Variants in VPS13B observed in about 807,000 individuals in gnomAD.
The protein encoded by VPS13B is intermembrane lipid transfer protein VPS13B.
Under a neutral mutation model 426.4 loss-of-function variants are expected in VPS13B, and 285 were observed. That is an observed-to-expected ratio of 0.67 (90% confidence interval 0.61 to 0.74). The LOEUF (loss-of-function observed/expected upper bound fraction) is 0.74. VPS13B is among the 30% of genes least tolerant of loss of function. The probability of loss-of-function intolerance (pLI) is 0.00; values close to 1 mark genes in which losing one functional copy is unlikely to be tolerated. For missense variants in VPS13B, 4,537 were observed against 4,782.6 expected, an observed-to-expected ratio of 0.95 and a Z score of 1.51; for synonymous variants, 1,676 against 1,676.4, an observed-to-expected ratio of 1.00 and a Z score of 0.01.
Position 99,642,495 on chromosome 8 carries a change from A to G in VPS13B, c.5905A>G (p.Ile1969Val), listed in dbSNP as rs139640224. 2.5e-3 allele frequency: 3,972 copies of G among 1,611,550 alleles called. 6 individuals carry two copies. Among genetic ancestry groups the G allele is most frequent in the Non-Finnish European group, 3.1e-3 (3,602 of 1,179,250 alleles). ...AGGGGTGGCCTCTGATTACAAATGTATAGGTAAGAACCTTCAAACTTACTG... is the reference window on the plus strand; with the variant it reads ...AGGGGTGGCCTCTGATTACAAATGTGTAGGTAAGAACCTTCAAACTTACTG... ...LKGVASDYKC[I>V]DPGKTLPEAL... The change falls in exon 34 of 62, where the codon ATA becomes GTA. Residue 1969 changes from isoleucine (I) to valine (V), a missense_variant. Around this residue, in one of 2 missense-constraint regions of VPS13B, gnomAD observed 4,311 missense variants for 4,474.3 expected, o/e 0.96. Coordinates refer to ENST00000357162, the MANE Select transcript of VPS13B (RefSeq NM_152564.5).
At chr8:99,833,131 T>G (rs1815174418) in intron 52 of VPS13B, among the ~76,000 whole-genome samples, 1 of 152,252 alleles carries the variant, frequency 6.6e-6, no homozygotes, top group South Asian at 2.1e-4. Flanking sequence ...TTAAGAGAGA[T>G]AACTTAGATA....
intron 17 of VPS13B, among the ~76,000 whole-genome samples, chr8:99,269,053 T>G (rs900573852): frequency 1.3e-5 from 2 of 152,170 alleles, no homozygotes; most frequent in African/African-American, 4.8e-5. Context: ...ACGTGTTTGC[T>G]TCCCTTCCAT....
At chr8:99,299,936 T>C (rs1304618128) in intron 19 of VPS13B, among the ~76,000 whole-genome samples, 3 of 152,052 alleles carry the variant, frequency 2.0e-5, no homozygotes, top group Admixed American at 2.0e-4. Flanking sequence ...ACAAAGTAAA[T>C]TTATACTTAA....
At chr8:99,536,998 T>A (rs536264763) in intron 30 of VPS13B, 1 of 340,642 alleles carries the variant, frequency 2.9e-6, no homozygotes, top group East Asian at 7.7e-5. Context: ...CTTGTCCTTC[T>A]GGTAAACCAT....
chr8:99,638,945 A>G (rs544764328), intron 33 of VPS13B, among the ~76,000 whole-genome samples: 6 of 152,326 alleles, frequency 3.9e-5, no homozygotes, highest in Admixed American at 2.0e-4. Context: ...TCAGTGATAT[A>G]TAGAAGCAGA....
At chr8:99,114,010 C>T (rs1225517741) in intron 6 of VPS13B, among the ~76,000 whole-genome samples, 7 of 152,096 alleles carry the variant, frequency 4.6e-5, no homozygotes, top group East Asian at 1.9e-4. Flanking sequence ...CCTATGGGTA[C>T]GTAATTTATT....
At chr8:99,478,410 AT>A (rs375836786) in intron 24 of VPS13B, among the ~76,000 whole-genome samples, 1,365 of 68,308 alleles carry the variant, frequency 0.02, 13 homozygotes, top group African/African-American at 0.045. Flanking sequence ...TGAGCTCTTG[AT>A]TTTTTTTTTT....
At chr8:99,072,846 T>C (rs1429947040) in intron 3 of VPS13B, among the ~76,000 whole-genome samples, 2 of 152,202 alleles carry the variant, frequency 1.3e-5, no homozygotes, top group Non-Finnish European at 2.9e-5. Flanking sequence ...CCATTTATTT[T>C]AGAAGATGTC....
chr8:99,722,707 C>T (rs1470496923), intron 39 of VPS13B, among the ~76,000 whole-genome samples: 1 of 152,126 alleles, frequency 6.6e-6, no homozygotes, highest in East Asian at 1.9e-4. Context: ...TGGGGTTTCA[C>T]CATGTTAGCC....
intron 30 of VPS13B, among the ~76,000 whole-genome samples, chr8:99,554,878 A>G (rs1281917929): frequency 6.6e-6 from 1 of 152,076 alleles, no homozygotes; most frequent in Admixed American, 6.6e-5. Flanking sequence ...TTAATGGCCC[A>G]CTTATGAGCC....
intron 39 of VPS13B, among the ~76,000 whole-genome samples, chr8:99,741,210 A>T (rs1010497289): frequency 3.3e-5 from 5 of 152,204 alleles, no homozygotes; most frequent in African/African-American, 9.7e-5. Flanking sequence ...ACCAACAAAG[A>T]TCAAAGGACA....
chr8:99,426,215 A>G (rs1262706482), intron 21 of VPS13B, among the ~76,000 whole-genome samples: 3 of 143,022 alleles, frequency 2.1e-5, no homozygotes, highest in Non-Finnish European at 4.5e-5. Context: ...TTCCAATTTC[A>G]TCCATGTCCC....
intron 34 of VPS13B, among the ~76,000 whole-genome samples, chr8:99,648,174 A>G (rs1189831547): frequency 6.6e-6 from 1 of 152,242 alleles, no homozygotes; most frequent in African/African-American, 2.4e-5. Flanking sequence ...TTTATCAGAC[A>G]TGGGCAAGAC....
At chr8:99,083,201 G>A (rs1177672310) in intron 3 of VPS13B, among the ~76,000 whole-genome samples, 1 of 152,138 alleles carries the variant, frequency 6.6e-6, no homozygotes, top group African/African-American at 2.4e-5. Flanking sequence ...TGGATTCCTA[G>A]GTATTTTATT....
intron 54 of VPS13B, among the ~76,000 whole-genome samples, chr8:99,841,896 C>T (rs1208346529): frequency 6.6e-6 from 1 of 152,122 alleles, no homozygotes; most frequent in East Asian, 1.9e-4. Flanking sequence ...CTGTAACTAA[C>T]CCCCAAATGA....
intron 17 of VPS13B, among the ~76,000 whole-genome samples, chr8:99,212,385 G>T (rs1369759096): frequency 2.0e-5 from 3 of 152,186 alleles, no homozygotes; most frequent in Non-Finnish European, 2.9e-5. Context: ...GGGCAAATTA[G>T]AAATCATCTT....
chr8:99,073,734 G>T, intron 3 of VPS13B, among the ~76,000 whole-genome samples: 1 of 144,420 alleles, frequency 6.9e-6, no homozygotes, highest in East Asian at 2.0e-4. Context: ...TGGAAACCCA[G>T]GACTTTCTTT....
At chr8:99,268,893 GA>G (rs1321646321) in intron 17 of VPS13B, among the ~76,000 whole-genome samples, 2 of 152,252 alleles carry the variant, frequency 1.3e-5, no homozygotes, top group South Asian at 2.1e-4. Context: ...TTGTGGGAGG[GA>G]CCCAGTGGGA....
intron 2 of VPS13B, among the ~76,000 whole-genome samples, chr8:99,031,129 G>T (rs766398972): frequency 6.6e-6 from 1 of 151,900 alleles, no homozygotes; most frequent in African/African-American, 2.4e-5. Flanking sequence ...TATTTCAAAA[G>T]ACTTATGTTC....
Sources: allele counts gnomAD v4.1 joint callset (sites outside exome capture counted in the v4.1 genomes callset), GRCh38; gene constraint gnomAD v4.1.1; regional missense constraint gnomAD v4.1.1; transcripts MANE v1.5; gene names NCBI Gene and HGNC (gene_info 2026-07-23, HGNC 2026-07-21).